CNTNAP4: variants seen among roughly 807,000 people sequenced by gnomAD.
The protein encoded by CNTNAP4 is contactin-associated protein-like 4.
In CNTNAP4, 98 loss-of-function variants were observed where a neutral mutation model predicts 148.4. That is an observed-to-expected ratio of 0.66 (90% CI 0.56 to 0.78). The LOEUF (loss-of-function observed/expected upper bound fraction) is 0.78, where lower values mean the gene tolerates loss of function less well. CNTNAP4 is among the 30% of genes least tolerant of loss of function. The pLI is 0.00. For missense variants in CNTNAP4, 1,935 were observed against 1,565.6 expected (o/e 1.24, Z -3.98); for synonymous variants, 730 against 565.1 (o/e 1.29, Z -4.14).
intron 3 of CNTNAP4, among the ~76,000 whole-genome samples, chr16:76,366,907 A>T (rs925445615): frequency 6.6e-6 from 1 of 152,224 alleles, no homozygotes; most frequent in Admixed American, 6.5e-5. Context: ...AGATAATATT[A>T]TAAAGCTATT....
chr16:76,552,529 C>A (rs1006813874), intron 21 of CNTNAP4, among the ~76,000 whole-genome samples: 1 of 152,112 alleles, frequency 6.6e-6, no homozygotes, highest in African/African-American at 2.4e-5. Flanking sequence ...AACCAATCTC[C>A]GTTCCACAAG....
chr16:76,303,563 G>A (rs1960194390), intron 1 of CNTNAP4, among the ~76,000 whole-genome samples: 1 of 152,160 alleles, frequency 6.6e-6, no homozygotes, highest in Non-Finnish European at 1.5e-5. Flanking sequence ...TCATGGACAT[G>A]TGGTTTAGTT....
At chr16:76,436,307 A>C (rs1056539811) in intron 4 of CNTNAP4, among the ~76,000 whole-genome samples, 2 of 152,160 alleles carry the variant, frequency 1.3e-5, no homozygotes, top group African/African-American at 4.8e-5. Context: ...TTACAAGGTC[A>C]GTGTCCCCAG....
At chr16:76,296,148 A>C (rs1026373662) in intron 1 of CNTNAP4, among the ~76,000 whole-genome samples, 3 of 152,204 alleles carry the variant, frequency 2.0e-5, no homozygotes, top group African/African-American at 7.2e-5. Flanking sequence ...AATCTTTCTG[A>C]AATAAGGCTG....
chr16:76,307,608 C>T (rs1483794971), intron 1 of CNTNAP4, among the ~76,000 whole-genome samples: 2 of 147,202 alleles, frequency 1.4e-5, no homozygotes, highest in Non-Finnish European at 3.0e-5. Flanking sequence ...AATTAGGTGA[C>T]ATGGCGTCAC....
chr16:76,448,027 A>G lies in CNTNAP4; in HGVS notation c.554A>G (p.Asp185Gly), dbSNP rs749536984. 5 of 1,612,898 alleles carry G rather than the reference A, an allele frequency of 3.1e-6. No homozygotes were observed. Among genetic ancestry groups the G allele is most frequent in the Non-Finnish European group, 3.4e-6 (4 of 1,178,956 alleles). Residue 185 changes from aspartate to glycine, a missense_variant, in exon 5 of 24, where the codon GAT becomes GGT. By Grantham distance (94) the Asp-to-Gly change is moderately conservative. Coordinates refer to ENST00000611870, the MANE Select transcript of CNTNAP4 (RefSeq NM_033401.5). ...TTGTTTCTAGGATCAGAAGTGGTTG[A>G]TCTTGATGGAAAAAGTTCCCTTCTC... ...FGCAYRSEVVDLDGKSSLLYR... is the reference protein window; with the variant it reads ...FGCAYRSEVVGLDGKSSLLYR...
At chr16:76,480,224 C>G (rs1168610840) in intron 12 of CNTNAP4, among the ~76,000 whole-genome samples, 1 of 152,070 alleles carries the variant, frequency 6.6e-6, no homozygotes, top group Non-Finnish European at 1.5e-5. Flanking sequence ...TATTAAAATA[C>G]TCTAAACAAT....
chr16:76,363,654 G>A (rs1263884110), intron 3 of CNTNAP4, among the ~76,000 whole-genome samples: 3 of 152,104 alleles, frequency 2.0e-5, no homozygotes, highest in African/African-American at 7.2e-5. Flanking sequence ...GTGGAACTAC[G>A]TCAACAAAAA....
intron 4 of CNTNAP4, among the ~76,000 whole-genome samples, chr16:76,436,307 A>G (rs1056539811): frequency 1.3e-5 from 2 of 152,160 alleles, no homozygotes; most frequent in Non-Finnish European, 2.9e-5. Context: ...TTACAAGGTC[A>G]GTGTCCCCAG....
At chr16:76,503,029 G>T (rs2082712452) in intron 15 of CNTNAP4, among the ~76,000 whole-genome samples, 1 of 151,994 alleles carries the variant, frequency 6.6e-6, no homozygotes. Flanking sequence ...TTTTCGTTTT[G>T]TTTTCAATTT....
chr16:76,495,161 A>G, intron 14 of CNTNAP4, 95 bp downstream of exon 14: 1 of 1,235,248 alleles, frequency 8.1e-7, no homozygotes, highest in Non-Finnish European at 1.2e-6. Flanking sequence ...TGAACAAGTT[A>G]GTGCAATGAA....
At chr16:76,363,785 C>A (rs1481000436) in intron 3 of CNTNAP4, among the ~76,000 whole-genome samples, 2 of 152,066 alleles carry the variant, frequency 1.3e-5, no homozygotes, top group African/African-American at 4.8e-5. Flanking sequence ...AATATGACCT[C>A]AATCACAAGT....
intron 15 of CNTNAP4, among the ~76,000 whole-genome samples, chr16:76,505,892 C>A (rs1227027105): frequency 1.0e-5 from 1 of 96,300 alleles, no homozygotes; most frequent in African/African-American, 2.6e-5. Context: ...AGAGTGAGAC[C>A]TTGTCTCTTA....
intron 1 of CNTNAP4, among the ~76,000 whole-genome samples, chr16:76,312,223 G>T (rs1287317514): frequency 6.6e-6 from 1 of 152,150 alleles, no homozygotes; most frequent in Non-Finnish European, 1.5e-5. Context: ...AGCACCCCTG[G>T]ATTCAACCCA....
chr16:76,332,084 C>CCT (rs1398754015), intron 2 of CNTNAP4, among the ~76,000 whole-genome samples: 1 of 152,092 alleles, frequency 6.6e-6, no homozygotes, highest in Non-Finnish European at 1.5e-5. Flanking sequence ...TGTTGAGGAC[C>CCT]CTTTATAGGT....
intron 2 of CNTNAP4, among the ~76,000 whole-genome samples, chr16:76,336,292 CAG>C (rs1964017491): frequency 6.6e-6 from 1 of 152,182 alleles, no homozygotes; most frequent in African/African-American, 2.4e-5. Context: ...TAGCTTATCT[CAG>C]AGATATGTAC....
intron 12 of CNTNAP4, among the ~76,000 whole-genome samples, chr16:76,480,751 AT>A (rs555667264): frequency 1.2e-3 from 189 of 152,270 alleles, no homozygotes; most frequent in African/African-American, 4.3e-3. Context: ...AAAGAAAAAA[AT>A]ATGTTCGTTG....
intron 3 of CNTNAP4, among the ~76,000 whole-genome samples, chr16:76,358,145 C>A (rs2012938193): frequency 1.3e-5 from 2 of 152,050 alleles, no homozygotes; most frequent in South Asian, 4.1e-4. Flanking sequence ...ACCAGCCTGG[C>A]CAACATGGTG....
At chr16:76,307,323 AACT>A (rs1960578719) in intron 1 of CNTNAP4, among the ~76,000 whole-genome samples, 1 of 151,798 alleles carries the variant, frequency 6.6e-6, no homozygotes, top group African/African-American at 2.4e-5. Context: ...ATAAATACAC[AACT>A]ACTACAATTT....
Sources: allele counts gnomAD v4.1 joint callset (sites outside exome capture counted in the v4.1 genomes callset), GRCh38; gene constraint gnomAD v4.1.1; transcripts MANE v1.5; gene names NCBI Gene and HGNC (gene_info 2026-07-23, HGNC 2026-07-21).